Variants in LRMDA observed in about 807,000 individuals in gnomAD.
The protein encoded by LRMDA is leucine rich melanocyte differentiation associated.
In LRMDA, 18 loss-of-function variants were observed where a neutral mutation model predicts 29.8. That is an observed-to-expected ratio of 0.60 (90% CI 0.42 to 0.90). The LOEUF is 0.90. Ranked by LOEUF, LRMDA falls within the 40% of genes least tolerant of loss-of-function variation. LRMDA has a pLI of 0.00. For synonymous variants in LRMDA, 125 were observed against 109.4 expected (o/e 1.14, Z -0.89); for missense variants, 273 against 273.9 (o/e 1.00, Z 0.02).
At chr10:75,981,606 C>T (rs1400882822) in intron 2 of LRMDA, among the ~76,000 whole-genome samples, 1 of 152,142 alleles carries the variant, frequency 6.6e-6, no homozygotes, top group Non-Finnish European at 1.5e-5. Flanking sequence ...GTAATCCCAG[C>T]ACTTTGGGAG....
At chr10:75,953,897 G>C (rs1441083809) in intron 2 of LRMDA, among the ~76,000 whole-genome samples, 2 of 152,150 alleles carry the variant, frequency 1.3e-5, no homozygotes, top group Non-Finnish European at 2.9e-5. Flanking sequence ...ATCTTAAAAA[G>C]GGGGATTATC....
chr10:75,896,429 T>C (rs1376616716), intron 2 of LRMDA, among the ~76,000 whole-genome samples: 1 of 152,258 alleles, frequency 6.6e-6, no homozygotes, highest in Non-Finnish European at 1.5e-5. Flanking sequence ...TTGTTTTTTC[T>C]TTTAATTGTG....
intron 5 of LRMDA, among the ~76,000 whole-genome samples, chr10:76,132,428 C>T (rs944809390): frequency 2.0e-5 from 3 of 152,104 alleles, no homozygotes; most frequent in African/African-American, 7.2e-5. Flanking sequence ...ATCTGGTATT[C>T]CATCAAGCAG....
chr10:75,477,376 T>TAA (rs745331775), intron 2 of LRMDA, among the ~76,000 whole-genome samples: 18 of 152,310 alleles, frequency 1.2e-4, no homozygotes, highest in Non-Finnish European at 2.5e-4. Context: ...AACTGCAACA[T>TAA]ACAAATTTCT....
chr10:76,448,392 A>G (rs1842373632), intron 6 of LRMDA, among the ~76,000 whole-genome samples: 1 of 152,148 alleles, frequency 6.6e-6, no homozygotes, highest in Admixed American at 6.6e-5. Context: ...ATTAACAAGT[A>G]ATTACTTAGT....
chr10:75,949,469 G>GGTTCTGGACCTGGGAT (rs1432971729), intron 2 of LRMDA, among the ~76,000 whole-genome samples: 1 of 152,200 alleles, frequency 6.6e-6, no homozygotes, highest in African/African-American at 2.4e-5. Flanking sequence ...GCAGCGTGCA[G>GGTTCTGGACCTGGGAT]GTTCTGGACC....
At chr10:75,579,018 G>C (rs981896998) in intron 2 of LRMDA, among the ~76,000 whole-genome samples, 2 of 152,052 alleles carry the variant, frequency 1.3e-5, no homozygotes, top group Admixed American at 1.3e-4. Context: ...AGAGAAGCAG[G>C]AGCAAACAAA....
intron 6 of LRMDA, among the ~76,000 whole-genome samples, chr10:76,436,233 T>C (rs928642882): frequency 9.2e-5 from 14 of 152,186 alleles, no homozygotes; most frequent in Admixed American, 5.2e-4. Flanking sequence ...CCCACAGTGC[T>C]CAGGGACAAA....
intron 2 of LRMDA, among the ~76,000 whole-genome samples, chr10:75,735,107 C>G (rs371343846): frequency 6.6e-6 from 1 of 152,190 alleles, no homozygotes; most frequent in East Asian, 1.9e-4. Flanking sequence ...TAGTGTATCC[C>G]AAGTACCTGC....
chr10:75,836,005 T>G (rs1844429112), intron 2 of LRMDA, among the ~76,000 whole-genome samples: 1 of 152,172 alleles, frequency 6.6e-6, no homozygotes, highest in South Asian at 2.1e-4. Context: ...TCAAGCACAG[T>G]TTCTCTTAGA....
intron 2 of LRMDA, among the ~76,000 whole-genome samples, chr10:75,617,624 G>C (rs1841121042): frequency 6.6e-6 from 1 of 151,956 alleles, no homozygotes; most frequent in African/African-American, 2.4e-5. Context: ...CTTCTCTCTT[G>C]CTACTTCTCT....
intron 2 of LRMDA, among the ~76,000 whole-genome samples, chr10:75,479,708 G>A (rs1195977408): frequency 6.6e-6 from 1 of 151,402 alleles, no homozygotes; most frequent in African/African-American, 2.4e-5. Flanking sequence ...TTGTATTTTA[G>A]TGAGGAGAGT....
At chr10:75,939,014 C>T (rs1267774839) in intron 2 of LRMDA, among the ~76,000 whole-genome samples, 2 of 152,174 alleles carry the variant, frequency 1.3e-5, no homozygotes, top group Non-Finnish European at 1.5e-5. Flanking sequence ...GTGAAACCAG[C>T]GCTCGGCATG....
intron 2 of LRMDA, among the ~76,000 whole-genome samples, chr10:75,923,887 G>A (rs533402636): frequency 1.3e-5 from 2 of 152,198 alleles, no homozygotes; most frequent in African/African-American, 4.8e-5. Context: ...CCAGGATGTA[G>A]GCCAAGTGGA....
At chr10:75,496,879 A>G (rs1845050433) in intron 2 of LRMDA, among the ~76,000 whole-genome samples, 1 of 152,018 alleles carries the variant, frequency 6.6e-6, no homozygotes, top group Non-Finnish European at 1.5e-5. Flanking sequence ...GTCTATACAC[A>G]TATGTGTATA....
At chr10:75,845,164 A>T (rs1844611227) in intron 2 of LRMDA, among the ~76,000 whole-genome samples, 1 of 151,892 alleles carries the variant, frequency 6.6e-6, no homozygotes, top group African/African-American at 2.4e-5. Context: ...TTTATACATT[A>T]CATTTTTCAG....
intron 6 of LRMDA, among the ~76,000 whole-genome samples, chr10:76,333,823 G>T (rs1220527385): frequency 6.6e-6 from 1 of 152,214 alleles, no homozygotes; most frequent in African/African-American, 2.4e-5. Context: ...GAAACATTCT[G>T]TTGCAAACAC....
intron 6 of LRMDA, among the ~76,000 whole-genome samples, chr10:76,552,437 AC>A (rs1454070906): frequency 6.6e-6 from 1 of 152,236 alleles, no homozygotes; most frequent in East Asian, 1.9e-4. Context: ...CTGTGGGGTT[AC>A]AGGCTGGATG....
At chr10:76,091,825 A>G (rs771014305) in intron 5 of LRMDA, among the ~76,000 whole-genome samples, 7 of 152,022 alleles carry the variant, frequency 4.6e-5, no homozygotes, top group Non-Finnish European at 1.0e-4. Context: ...AGCTGGGACT[A>G]CAGGTGTGTG....
Sources: allele counts gnomAD v4.1 joint callset (sites outside exome capture counted in the v4.1 genomes callset), GRCh38; gene constraint gnomAD v4.1.1; transcripts MANE v1.5; gene names NCBI Gene and HGNC (gene_info 2026-07-23, HGNC 2026-07-21).